The following PGGHG variants were observed in gnomAD, a reference collection of about 807,000 sequenced individuals.
PGGHG encodes the protein protein-glucosylgalactosylhydroxylysine glucosidase, also known as ATH1, acid trehalase-like 1.
A neutral mutation model predicts 74.5 loss-of-function variants in PGGHG; 67 were observed. That is an observed-to-expected ratio of 0.90 (90% confidence interval 0.74 to 1.10). The LOEUF (loss-of-function observed/expected upper bound fraction) is 1.10, where lower values mean the gene tolerates loss of function less well. Among genes scored for constraint, PGGHG ranks in the 50% least tolerant of loss-of-function variants. PGGHG has a pLI of 0.00. For missense variants in PGGHG, 1,034 were observed against 981.5 expected (o/e 1.05, Z -0.72); for synonymous variants, 496 against 419.9 (o/e 1.18, Z -2.21).
At chr11:291,390 C>T (rs908149591) in intron 4 of PGGHG, 3 of 443,620 alleles carry the variant, frequency 6.8e-6, no homozygotes, top group East Asian at 7.2e-5. Flanking sequence ...AGATCACCAG[C>T]GTTTGTAGAC....
At position 293,701 on chromosome 11, in the gene PGGHG, T is replaced by G. The variant is rs901089712; in HGVS notation, c.1588T>G (p.Ser530Ala). The G allele has an allele frequency of 6.2e-7, 1 of 1,610,262 alleles. No homozygotes were observed. The highest frequency in any genetic ancestry group is 8.5e-7 in the Non-Finnish European group (1 of 1,179,118). Reference protein sequence around the residue: ...KNLEIYEAVTSPQGPAMTWSM... With the variant: ...KNLEIYEAVTAPQGPAMTWSM... The stretch of plus-strand genomic sequence containing the variant: ...TCTGGAGATTTACGAGGCTGTGACG[T>G]CCCCCCAGGGCCCCGCCATGACCTG... The change falls in exon 10 of 14, where the codon TCC becomes GCC. Residue 530 changes from serine to alanine, a missense_variant. Physicochemically the swap from Ser to Ala is moderately conservative, Grantham distance 99. Transcript: ENST00000409548.
intron 2 of PGGHG, 109 bp from the exon 3 acceptor site, chr11:290,281 C>T: frequency 7.3e-7 from 1 of 1,378,498 alleles, no homozygotes; most frequent in Non-Finnish European, 9.8e-7. Context: ...AGCCGAGGGC[C>T]CAGAGGGATC....
Position 292,075 on chromosome 11 carries a change from G to T in PGGHG, c.1006G>T (p.Ala336Ser). 1 of 1,569,418 alleles carries T rather than the reference G, an allele frequency of 6.4e-7. No homozygotes were observed. The change falls in exon 5 of 14, where the codon GCC (alanine) becomes TCC (serine). Residue 336 changes from alanine (A) to serine (S), a missense_variant. Transcript: ENST00000409548. ...IRTLDGALEN[A>S]QNLGYQGAKF... Reference sequence around the variant, plus strand: ...CACGCTGGACGGGGCCCTGGAGAACGCCCAGAACCTGGGCTACCAGGTGAG... The same window carrying T: ...CACGCTGGACGGGGCCCTGGAGAACTCCCAGAACCTGGGCTACCAGGTGAG...
Position 294,825 on chromosome 11 carries a change from C to T in PGGHG, c.*76C>T, listed in dbSNP as rs1845832240. Reference sequence around the variant, plus strand: ...TCTGCACCCACCCCTCCTGGGCACCCTCCTAGCCTGCCATCCCTCACCTGC... The same window carrying T: ...TCTGCACCCACCCCTCCTGGGCACCTTCCTAGCCTGCCATCCCTCACCTGC... On this transcript the variant is annotated 3_prime_UTR_variant, in exon 14 of 14. Transcript: ENST00000409548. 2 of 1,450,108 alleles carry T rather than the reference C, an allele frequency of 1.4e-6. No homozygotes were observed. Among genetic ancestry groups the T allele is most frequent in the Non-Finnish European group, 1.9e-6 (2 of 1,078,442 alleles). 89.8% of individuals were successfully genotyped at this position (1,450,108 alleles called of 1,614,324 possible).
Position 293,214 on chromosome 11 carries a change from C to G in PGGHG, c.1322C>G (p.Thr441Ser). The G allele has an allele frequency of 6.2e-7, 1 of 1,613,736 alleles. No individual in the cohort carries two copies. Among genetic ancestry groups the G allele is most frequent in the Non-Finnish European group, 8.5e-7 (1 of 1,179,978 alleles). The change falls in exon 8 of 14, where the codon ACC (threonine) becomes AGC (serine). Residue 441 changes from threonine (T) to serine (S), a missense_variant. Thr to Ser is a moderately conservative substitution (Grantham distance 58, BLOSUM62 1). Coordinates refer to ENST00000409548, the MANE Select transcript of PGGHG (RefSeq NM_025092.5). ...TCAGGGGTCAACAACTCTGTGTACA[C>G]CAACGTCCTGGTCCAGAACAGGTCA... Reference protein sequence around the residue: ...YHSGVNNSVYTNVLVQNSLRF... With the variant: ...YHSGVNNSVYSNVLVQNSLRF...
At chr11:293,328 T>C in intron 8 of PGGHG, 38 bp from the exon 9 acceptor site, 2 of 1,604,372 alleles carry the variant, frequency 1.2e-6, no homozygotes, top group Non-Finnish European at 1.7e-6. Context: ...GCTGGAAGTG[T>C]AGGGGTTGCA....
chr11:293,389 C>T lies in PGGHG; in HGVS notation c.1367C>T (p.Ala456Val), dbSNP rs1185462389. The change falls in exon 9 of 14, where the codon GCC becomes GTC. Residue 456 changes from alanine (A) to valine (V), a missense_variant. Coordinates refer to ENST00000409548, the MANE Select transcript of PGGHG (RefSeq NM_025092.5). The part of the protein sequence containing the change: ...QNSLRFAAAL[A>V]QDLGLPIPSQ... The stretch of plus-strand genomic sequence containing the variant: ...AGCCTGCGCTTTGCTGCTGCCCTGG[C>T]CCAGGACCTGGGTCTTCCCATCCCC... 1 of 1,612,540 alleles carries T rather than the reference C, an allele frequency of 6.2e-7. No individual in the cohort carries two copies. Among genetic ancestry groups the T allele is most frequent in the Non-Finnish European group, 8.5e-7 (1 of 1,179,926 alleles).
rs369270826 is a variant in PGGHG, at chr11:290,800, G to A, written c.593G>A (p.Trp198Ter). The A allele has an allele frequency of 3.1e-6, 5 of 1,612,682 alleles. No individual in the cohort carries two copies. Among genetic ancestry groups the A allele is most frequent in the Non-Finnish European group, 4.2e-6 (5 of 1,179,914 alleles). Residue 198 changes from tryptophan (W) to a stop codon, truncating the protein, a stop_gained, in exon 4 of 14, where the codon TGG becomes TAG. Transcript: ENST00000409548. LOFTEE classifies it high-confidence loss of function. ...GGGGAAGGTGAGGAGGCTAGGACGT[G>A]GGACTTCCTGACAGCAGTGGGCGGC... is the stretch of plus-strand genomic sequence containing the variant. The part of the protein sequence containing the change: ...TLGEGEEART[W>*]DFLTAVGGSQ...
In PGGHG at chr11:294,928, C is replaced by A; in HGVS notation, c.*179C>A. The A allele has an allele frequency of 1.4e-6, 1 of 709,896 alleles. No individual in the cohort carries two copies. The highest frequency in any genetic ancestry group is 2.2e-6 in the Non-Finnish European group (1 of 461,126). 44.0% of individuals were successfully genotyped at this position (709,896 alleles called of 1,614,324 possible). ...TGCCTGTAGCCTGGACTCCCGTGGACCCCCGTGGGCAGGTGGCTTCCCCGT... is the reference window on the plus strand; with the variant it reads ...TGCCTGTAGCCTGGACTCCCGTGGAACCCCGTGGGCAGGTGGCTTCCCCGT... On this transcript the variant is annotated 3_prime_UTR_variant, in exon 14 of 14. Transcript: ENST00000409548.
rs1448887726 is a variant in PGGHG at position 294,349 on chromosome 11, G to A, written c.1891G>A (p.Gly631Arg). The stretch of plus-strand genomic sequence containing the variant: ...GAGCGTCTCCGGCATCTTCTACCAG[G>A]GGAACAAGCTCAACTTCTCTTTTTC... ...RVSVSGIFYQGNKLNFSFSED... is the reference protein window; with the variant it reads ...RVSVSGIFYQRNKLNFSFSED... The change falls in exon 13 of 14, where the codon GGG (glycine) becomes AGG (arginine). Residue 631 changes from glycine (G) to arginine (R), a missense_variant. Coordinates refer to ENST00000409548, the MANE Select transcript of PGGHG (RefSeq NM_025092.5). The A allele has an allele frequency of 5.0e-6, 8 of 1,613,016 alleles. No homozygotes were observed. Among genetic ancestry groups the A allele is most frequent in the Non-Finnish European group, 8.5e-7 (1 of 1,179,964 alleles).
Position 292,013 on chromosome 11 carries a change from C to G in PGGHG, c.944C>G (p.Pro315Arg). The change falls in exon 5 of 14, where the codon CCA becomes CGA. Residue 315 changes from proline (P) to arginine (R), a missense_variant. Physicochemically the swap from Pro to Arg is moderately radical, Grantham distance 103 (BLOSUM62 -2). Transcript: ENST00000409548. ...TTCCCGAGTATCCTGATGTTCCACC[C>G]AGAAGCCGCCAGGGCCATCCTGGAG... is the stretch of plus-strand genomic sequence containing the variant. ...WMFPSILMFH[P>R]EAARAILEYR... 10 of 1,609,546 alleles carry G rather than the reference C, an allele frequency of 6.2e-6. No homozygotes were observed. The highest frequency in any genetic ancestry group is 8.5e-6 in the Non-Finnish European group (10 of 1,178,392).
In PGGHG at chr11:293,616, C is replaced by T. The variant is rs541317912; in HGVS notation, c.1503C>T (p.Asp501=). Residue 501 remains aspartate, a synonymous_variant, in exon 10 of 14, where the codon GAC becomes GAT. Coordinates refer to ENST00000409548, the MANE Select transcript of PGGHG (RefSeq NM_025092.5). ...YEPGEVVKQA[D]VVLLGYPVPF... is the part of the protein sequence containing the mutation. The stretch of plus-strand genomic sequence containing the variant: ...TAGGAGAGGTGGTGAAGCAGGCAGA[C>T]GTCGTGCTCCTGGGATACCCAGTCC... 110 of 1,613,606 alleles carry T rather than the reference C, an allele frequency of 6.8e-5. No individual in the cohort carries two copies. Among genetic ancestry groups the T allele is most frequent in the South Asian group, 3.8e-4 (35 of 91,086 alleles).
Position 292,788 on chromosome 11 carries a change from A to G in PGGHG, c.1159-98A>G, listed in dbSNP as rs1845764472. The G allele has an allele frequency of 4.4e-6, 7 of 1,607,328 alleles. No individual in the cohort carries two copies. In the South Asian group the frequency reaches 6.6e-5, roughly 15 times the overall value. ...TGGTCCTGGGAAGCTGGCTGAGGAC[A>G]GGTGTCTCAATGCCAGGCCTTGCTT... is the stretch of plus-strand genomic sequence containing the variant. On this transcript the variant is annotated intron_variant, in intron 6 of 13. Transcript: ENST00000409548.
chr11:293,995 C>T (rs955493316), intron 11 of PGGHG, 70 bp downstream of exon 11: 32 of 1,589,216 alleles, frequency 2.0e-5, no homozygotes, highest in Non-Finnish European at 2.7e-5. Context: ...TCAGAGCAGG[C>T]ACAGCAGGGT....
At chr11:291,950 G>A (rs367821560) in intron 4 of PGGHG, 26 bp from the exon 5 acceptor site, 44 of 1,588,096 alleles carry the variant, frequency 2.8e-5, no homozygotes, top group Non-Finnish European at 3.6e-5. Flanking sequence ...CCTGTCCGGC[G>A]CTAGAACGAG....
rs772826001 is a variant in PGGHG, at chr11:294,657, G to A, written c.2122G>A (p.Asp708Asn). ...SSEFPGRTFS[D>N]VRDPLQSPLW... The stretch of plus-strand genomic sequence containing the variant: ...CGAGTTCCCTGGGAGGACTTTTTCA[G>A]ATGTTAGGGACCCGCTCCAGAGCCC... Residue 708 changes from aspartate to asparagine, a missense_variant, in exon 14 of 14, where the codon GAT becomes AAT. Physicochemically the swap from Asp to Asn is conservative, Grantham distance 23 (BLOSUM62 1). Transcript: ENST00000409548. The A allele has an allele frequency of 1.2e-6, 2 of 1,613,634 alleles. No individual in the cohort carries two copies. Among genetic ancestry groups the A allele is most frequent in the South Asian group, 1.1e-5 (1 of 91,072 alleles).
chr11:289,604 C>A lies in PGGHG; in HGVS notation c.-13-200C>A, dbSNP rs1330670526. ...CTCAGCTGGGTTCCTGGAGATCAACCTTTGGGGTCTGAGCCCCTCTGAGAG... is the reference window on the plus strand; with the variant it reads ...CTCAGCTGGGTTCCTGGAGATCAACATTTGGGGTCTGAGCCCCTCTGAGAG... On this transcript the variant is annotated intron_variant, in intron 1 of 13. Transcript: ENST00000409548. The surrounding 1 kb of genome is among the most constrained non-coding windows in gnomAD (Gnocchi z 5.6). 1.1e-5 allele frequency: 7 copies of A among 646,028 alleles called. No individual in the cohort carries two copies. Among genetic ancestry groups the A allele is most frequent in the Non-Finnish European group, 1.6e-5 (6 of 385,428 alleles). The allele number at this position is 646,028 out of a possible 1,614,324, so 40.0% of individuals were successfully genotyped here.
rs896726227 is a variant in PGGHG, at chr11:290,406, C to T, written c.276C>T (p.Thr92=). The T allele has an allele frequency of 9.1e-6, 14 of 1,546,036 alleles. No homozygotes were observed. Among genetic ancestry groups the T allele is most frequent in the Admixed American group, 5.9e-5 (3 of 50,996 alleles). The change falls in exon 3 of 14, where the codon ACC becomes ACT. Residue 92 remains threonine, a synonymous_variant. Coordinates refer to ENST00000409548, the MANE Select transcript of PGGHG (RefSeq NM_025092.5). ...LDTNTGSFLH[T]LEGPRFRASQ... ...CCTCCCCAGGCTCCTTTCTTCACAC[C>T]CTGGAGGGCCCCCGCTTCCGGGCCT... is the stretch of plus-strand genomic sequence containing the variant.
intron 5 of PGGHG, 142 bp downstream of exon 5, chr11:292,237 G>T: frequency 7.8e-7 from 1 of 1,274,146 alleles, no homozygotes; most frequent in Non-Finnish European, 1.0e-6. Context: ...GGCTTGTGGG[G>T]CCTCAGCAGT....
Sources: gnomAD v4.1 joint callset for allele counts on GRCh38, gnomAD v4.1.1 for gene constraint, Gnocchi (gnomAD v3.1) non-coding constraint, MANE v1.5 for transcripts, NCBI Gene and HGNC (gene_info 2026-07-23, HGNC 2026-07-21) for gene names.